The following CLIP3 variants were observed in gnomAD, a reference collection of about 807,000 sequenced individuals.
CLIP3 encodes the protein CAP-Gly domain-containing linker protein 3.
A neutral mutation model predicts 59.4 loss-of-function variants in CLIP3; 15 were observed. That is an observed-to-expected ratio of 0.25 (90% CI 0.17 to 0.39). CLIP3 has a LOEUF of 0.39. CLIP3 is among the 10% of genes least tolerant of loss of function. The pLI is 1.00. For missense variants in CLIP3, 495 were observed against 765.7 expected, an observed-to-expected ratio of 0.65 and a Z score of 4.17; for synonymous variants, 300 against 321.6, an observed-to-expected ratio of 0.93 and a Z score of 0.72.
At position 36,023,566 on chromosome 19, in the gene CLIP3, C is replaced by CT. The variant is rs75730971; in HGVS notation, c.918+829dup. On this transcript the variant is annotated intron_variant, in intron 7 of 13. Coordinates refer to ENST00000360535, the MANE Select transcript of CLIP3 (RefSeq NM_015526.3). Reference sequence around the variant, plus strand: ...AGCCCTTGTTGCTACCAGAAATTACCTTTTTTTTTTTTTTTCAATAGAGGC... The same window carrying CT: ...AGCCCTTGTTGCTACCAGAAATTACCTTTTTTTTTTTTTTTTCAATAGAGGC... Among the ~76,000 whole-genome samples, 302 of 143,214 alleles carry CT rather than the reference C, an allele frequency of 2.1e-3. 1 individual carries two copies. The highest frequency in any genetic ancestry group is 3.6e-3 in the Middle Eastern group (1 of 276). The allele number at this position is 143,214 out of a possible 152,430, so 94.0% of individuals were successfully genotyped here.
At chr19:36,031,353 G>T (rs1032616781) in intron 2 of CLIP3, among the ~76,000 whole-genome samples, 3 of 152,006 alleles carry the variant, frequency 2.0e-5, no homozygotes, top group Non-Finnish European at 4.4e-5. Context: ...GCTCCAATCT[G>T]AATTTATCTG....
intron 6 of CLIP3, among the ~76,000 whole-genome samples, chr19:36,024,959 G>A (rs1169444986): frequency 3.9e-5 from 6 of 151,918 alleles, no homozygotes; most frequent in Non-Finnish European, 8.8e-5. Flanking sequence ...CCAGCTACTC[G>A]GGAGGCTGAG....
chr19:36,028,996 C>CTTTTTTTTTTT lies in CLIP3; in HGVS notation c.167-1736_167-1726dup, dbSNP rs71167588. ...CACCCGCCCTTCTCCATCTCCTACT[C>CTTTTTTTTTTT]TTTTTTTTTTTTTTTTTTTTTTTTT... On this transcript the variant is annotated intron_variant, in intron 2 of 13. Transcript: ENST00000360535. 7.8e-4 allele frequency among the ~76,000 whole-genome samples: 51 copies of CTTTTTTTTTTT among 65,278 alleles called. 5 individuals are homozygous for CTTTTTTTTTTT. The highest frequency in any genetic ancestry group is 3.4e-3 in the African/African-American group (51 of 15,186). The allele number at this position is 65,278 out of a possible 152,430, so 42.8% of individuals were successfully genotyped here.
rs1025728944 is a variant in CLIP3, at chr19:36,016,539, G to A, written c.1590-327C>T. Among the ~76,000 whole-genome samples, 8 of 152,174 alleles carry A rather than the reference G, an allele frequency of 5.3e-5. No individual in the cohort carries two copies. The highest frequency in any genetic ancestry group is 1.9e-4 in the African/African-American group (8 of 41,434). On this transcript the variant is annotated intron_variant, in intron 13 of 13. Coordinates refer to ENST00000360535, the MANE Select transcript of CLIP3 (RefSeq NM_015526.3). This position sits in a 1 kb window ranked among gnomAD's most constrained non-coding sequence, Gnocchi z 4.1. ...ACTTTTGTGTTTTTGGTAGAGACGGGGTTTCACCATGTTGGCCAGGCTGGT... is the reference window on the plus strand; with the variant it reads ...ACTTTTGTGTTTTTGGTAGAGACGGAGTTTCACCATGTTGGCCAGGCTGGT...
intron 9 of CLIP3, 49 bp downstream of exon 9, chr19:36,018,849 A>G (rs1968871720): frequency 1.9e-6 from 3 of 1,584,314 alleles, no homozygotes; most frequent in Non-Finnish European, 2.6e-6. Flanking sequence ...AGCTACCCAC[A>G]CAACATCCCC....
intron 2 of CLIP3, among the ~76,000 whole-genome samples, chr19:36,031,024 T>TTTTTTTTTTTTTTTTTTTTTTG (rs1969251111): frequency 1.4e-5 from 1 of 73,576 alleles, no homozygotes; most frequent in African/African-American, 7.8e-5. Flanking sequence ...TTTTTTTTTC[T>TTTTTTTTTTTTTTTTTTTTTTG]TTTTTTTTTT....
intron 12 of CLIP3, 85 bp downstream of exon 12, chr19:36,017,301 G>A: frequency 7.8e-7 from 1 of 1,274,792 alleles, no homozygotes; most frequent in Non-Finnish European, 1.1e-6. Flanking sequence ...ACCAGAGACT[G>A]TCACCAGTAT....
chr19:36,015,935 G>T lies in CLIP3; in HGVS notation c.*223C>A, dbSNP rs572372222. 4 of 597,922 alleles carry T rather than the reference G, an allele frequency of 6.7e-6. No homozygotes were observed. Among genetic ancestry groups the T allele is most frequent in the Non-Finnish European group, 9.0e-6 (3 of 332,224 alleles). 37.0% of individuals were successfully genotyped at this position (597,922 alleles called of 1,614,324 possible). On this transcript the variant is annotated 3_prime_UTR_variant, in exon 14 of 14. Coordinates refer to ENST00000360535, the MANE Select transcript of CLIP3 (RefSeq NM_015526.3). ...GTTGGGGATAGGGACTAGCCTGAAG[G>T]TGCTACTCAGGGAATCTCTTTCTGG...
In CLIP3 at chr19:36,024,376, C is replaced by A; in HGVS notation, c.918+20G>T. On this transcript the variant is annotated intron_variant, in intron 7 of 13. Transcript: ENST00000360535. ...GTCCCACCCCCACCCACCATGCAAA[C>A]ACACATCCCAGCCCCTGACCTTCTG... is the stretch of plus-strand genomic sequence containing the variant. The A allele has an allele frequency of 4.3e-4, 647 of 1,493,508 alleles. No homozygotes were observed. Among genetic ancestry groups the A allele is most frequent in the Non-Finnish European group, 5.4e-4 (585 of 1,073,686 alleles). 92.5% of individuals were successfully genotyped at this position (1,493,508 alleles called of 1,614,324 possible).
At position 36,016,875 on chromosome 19, in the gene CLIP3, C is replaced by A; in HGVS notation, c.1589+32G>T. On this transcript the variant is annotated intron_variant, in intron 13 of 13. Coordinates refer to ENST00000360535, the MANE Select transcript of CLIP3 (RefSeq NM_015526.3). The surrounding 1 kb of genome is among the most constrained non-coding windows in gnomAD (Gnocchi z 4.1). The stretch of plus-strand genomic sequence containing the variant: ...TATGGATCCCTCTCCCTGAATGTCA[C>A]ATAGGAGAGGGGACAGGGGTTGGCC... 1 of 1,604,336 alleles carries A rather than the reference C, an allele frequency of 6.2e-7. No homozygotes were observed. The highest frequency in any genetic ancestry group is 1.1e-5 in the South Asian group (1 of 90,278).
intron 12 of CLIP3, 60 bp downstream of exon 12, chr19:36,017,326 A>C: frequency 2.0e-6 from 3 of 1,504,954 alleles, no homozygotes; most frequent in East Asian, 4.5e-5. Context: ...CTGAGAACCC[A>C]TGACCCTTCC....
intron 2 of CLIP3, among the ~76,000 whole-genome samples, chr19:36,031,023 C>CTTTTT (rs55762943): frequency 1.2e-4 from 10 of 80,172 alleles, no homozygotes; most frequent in South Asian, 4.2e-4. Context: ...TTTTTTTTTT[C>CTTTTT]TTTTTTTTTT....
intron 7 of CLIP3, among the ~76,000 whole-genome samples, chr19:36,021,800 G>A (rs1279344775): frequency 2.6e-5 from 4 of 152,132 alleles, no homozygotes. Context: ...ATTATGGGAG[G>A]CTCATTCACC....
Position 36,026,593 on chromosome 19 carries a change from C to T in CLIP3, c.555G>A (p.Arg185=), listed in dbSNP as rs1272230882. 6.2e-7 allele frequency: 1 copy of T among 1,613,642 alleles called. No individual in the cohort carries two copies. Residue 185 remains arginine (R), a synonymous_variant, in exon 5 of 14, where the codon AGG becomes AGA. Coordinates refer to ENST00000360535, the MANE Select transcript of CLIP3 (RefSeq NM_015526.3). This position sits in a 1 kb window ranked among gnomAD's most constrained non-coding sequence, Gnocchi z 6.3. ...CAGGGCTCTCCTCCTCACCTCGCGG[C>T]CTCGCACCCTTCAGCAGCACACGCA... The part of the protein sequence containing the change: ...DLVRVLLKGA[R]PRVVNSTCSD...
rs755635994 is a variant in CLIP3 at position 36,019,037 on chromosome 19, A to C, written c.1055-11T>G. 6.3e-7 allele frequency: 1 copy of C among 1,583,508 alleles called. No individual in the cohort carries two copies. Among genetic ancestry groups the C allele is most frequent in the Admixed American group, 1.7e-5 (1 of 58,036 alleles). On this transcript the variant is annotated splice_polypyrimidine_tract_variant and intron_variant, in intron 8 of 13. Coordinates refer to ENST00000360535, the MANE Select transcript of CLIP3 (RefSeq NM_015526.3). ...CGGAGGCAAAGAGACCTAGGGGTACAGAATCCGAGCCTGGTGTTGTCCAAG... is the reference window on the plus strand; with the variant it reads ...CGGAGGCAAAGAGACCTAGGGGTACCGAATCCGAGCCTGGTGTTGTCCAAG...
intron 2 of CLIP3, among the ~76,000 whole-genome samples, chr19:36,031,015 T>A (rs1969246865): frequency 8.9e-6 from 1 of 112,992 alleles, no homozygotes; most frequent in Non-Finnish European, 1.7e-5. Flanking sequence ...TTTCTTTTTT[T>A]TTTTTTTCTT....
intron 11 of CLIP3, 47 bp downstream of exon 11, chr19:36,017,608 A>T: frequency 8.1e-6 from 13 of 1,611,302 alleles, no homozygotes; most frequent in African/African-American, 6.7e-5. Context: ...AGGGGGGATC[A>T]GGGCTCCAGG....
At position 36,032,524 on chromosome 19, in the gene CLIP3, C is replaced by G. The variant is rs912155601; in HGVS notation, c.-58-109G>C. ...TCCGCGCAACTGGATCTTGGGCAAC[C>G]ATAGGGACCCCCGTTACCCATAGAG... On this transcript the variant is annotated intron_variant, in intron 1 of 13. Transcript: ENST00000360535. The surrounding 1 kb of genome is among the most constrained non-coding windows in gnomAD (Gnocchi z 4.3). The G allele has an allele frequency of 1.3e-5, 5 of 397,540 alleles. No homozygotes were observed. The highest frequency in any genetic ancestry group is 1.0e-4 in the African/African-American group (5 of 48,572). The allele number at this position is 397,540 out of a possible 1,614,324, so 24.6% of individuals were successfully genotyped here. A position where few individuals can be genotyped will look rare whatever the true frequency, so the allele number is the denominator to read the frequency against.
chr19:36,019,367 CCA>C, intron 7 of CLIP3, 61 bp from the exon 8 acceptor site: 1 of 1,555,304 alleles, frequency 6.4e-7, no homozygotes, highest in East Asian at 2.4e-5. Context: ...CGTGGAGTGC[CCA>C]CACACGGGCA....
Sources: gnomAD v4.1 joint callset for allele counts (sites outside exome capture counted in the v4.1 genomes callset) on GRCh38, gnomAD v4.1.1 for gene constraint, Gnocchi (gnomAD v3.1) non-coding constraint, MANE v1.5 for transcripts, NCBI Gene and HGNC (gene_info 2026-07-23, HGNC 2026-07-21) for gene names.